Variants in DCN observed in about 807,000 individuals in gnomAD.
DCN encodes bone proteoglycan II.
Under a neutral mutation model 36.5 loss-of-function variants are expected in DCN, and 17 were observed. The ratio of observed to expected loss-of-function variants is 0.47; its 90% CI spans 0.32 to 0.70. DCN has a LOEUF of 0.70. Ranked by LOEUF, DCN falls within the 30% of genes least tolerant of loss-of-function variation. The pLI is 0.04. For missense variants in DCN, 389 were observed against 430.1 expected, an observed-to-expected ratio of 0.90 and a Z score of 0.84; for synonymous variants, 163 against 161.4, an observed-to-expected ratio of 1.01 and a Z score of -0.07.
chr12:91,154,488 C>T (rs1881632742), intron 5 of DCN, among the ~76,000 whole-genome samples: 1 of 152,118 alleles, frequency 6.6e-6, no homozygotes, highest in African/African-American at 2.4e-5. Context: ...GCTATCACAA[C>T]CATCGGCCTT....
In DCN at chr12:91,156,401, T is replaced by G. The variant is rs3138249; in HGVS notation, c.652+674A>C. Among the ~76,000 whole-genome samples, 1,409 of 152,330 alleles carry G rather than the reference T, an allele frequency of 9.2e-3. 25 individuals carry two copies. Among genetic ancestry groups the G allele is most frequent in the African/African-American group, 0.032 (1,350 of 41,570 alleles). ...CTTATCTATATGCTAAATATTTCTCTAATTATTTATTTAACTTTAAAACAA... is the reference window on the plus strand; with the variant it reads ...CTTATCTATATGCTAAATATTTCTCGAATTATTTATTTAACTTTAAAACAA... On this transcript the variant is annotated intron_variant, in intron 5 of 7. Transcript: ENST00000052754.
intron 3 of DCN, among the ~76,000 whole-genome samples, chr12:91,162,246 AT>A (rs1383014997): frequency 6.6e-6 from 1 of 152,054 alleles, no homozygotes; most frequent in Non-Finnish European, 1.5e-5. Context: ...GCCTTTCTGC[AT>A]TTTTTAAAAT....
At position 91,145,492 on chromosome 12, in the gene DCN, A is replaced by T. The variant is rs1449263175; in HGVS notation, c.*566T>A. The T allele has an allele frequency of 6.3e-6, 1 of 158,890 alleles. No individual in the cohort carries two copies. The highest frequency in any genetic ancestry group is 1.4e-5 in the Non-Finnish European group (1 of 71,972). The allele number at this position is 158,890 out of a possible 1,614,324, so 9.8% of individuals were successfully genotyped here. A position where few individuals can be genotyped will look rare whatever the true frequency, so the allele number is the denominator to read the frequency against. ...CTTCTCCCTTCATAAAATTGTGTTT[A>T]GGGAATATTAACAATTAAGCTTGTA... On this transcript the variant is annotated 3_prime_UTR_variant, in exon 8 of 8. Transcript: ENST00000052754.
intron 1 of DCN, among the ~76,000 whole-genome samples, chr12:91,181,261 A>G (rs1366809868): frequency 6.6e-6 from 1 of 151,968 alleles, no homozygotes; most frequent in Non-Finnish European, 1.5e-5. Flanking sequence ...TTGCATGTCC[A>G]GAAACTTTGT....
intron 7 of DCN, among the ~76,000 whole-genome samples, chr12:91,146,636 A>T (rs549679800): frequency 3.3e-5 from 5 of 152,172 alleles, no homozygotes; most frequent in African/African-American, 1.2e-4. Flanking sequence ...TTACAGGCGT[A>T]AGCCACCACG....
At chr12:91,149,552 A>G (rs1177212640) in intron 7 of DCN, among the ~76,000 whole-genome samples, 1 of 152,208 alleles carries the variant, frequency 6.6e-6, no homozygotes, top group Non-Finnish European at 1.5e-5. Context: ...AAAGATGTCT[A>G]ATTTCATCAC....
At chr12:91,153,886 T>C (rs1419321993) in intron 5 of DCN, among the ~76,000 whole-genome samples, 2 of 152,136 alleles carry the variant, frequency 1.3e-5, no homozygotes, top group African/African-American at 2.4e-5. Context: ...AGTACTTGCA[T>C]GGCTGTGATT....
At position 91,141,396 on chromosome 12, in the gene DCN, T is replaced by C. The variant is rs1880750773; in HGVS notation, c.*4662A>G. On this transcript the variant is annotated 3_prime_UTR_variant, in exon 8 of 8. Coordinates refer to ENST00000052754, the MANE Select transcript of DCN (RefSeq NM_001920.5). The stretch of plus-strand genomic sequence containing the variant: ...AGTTCTTCATCTCCCTGCTCAAATG[T>C]CACTCCTGATAAGTCCTTTTTCCGA... 1 of 152,210 alleles carries C rather than the reference T, an allele frequency of 6.6e-6. No individual in the cohort carries two copies. The allele number at this position is 152,210 out of a possible 1,614,324, so 9.4% of individuals were successfully genotyped here. A position where few individuals can be genotyped will look rare whatever the true frequency, so the allele number is the denominator to read the frequency against.
intron 5 of DCN, 112 bp from the exon 6 acceptor site, chr12:91,153,301 C>A: frequency 2.7e-6 from 2 of 730,040 alleles, no homozygotes; most frequent in South Asian, 1.4e-5. Context: ...CACACAGTTT[C>A]AAAGAATCAG....
chr12:91,162,090 G>A (rs1022702882), intron 3 of DCN, among the ~76,000 whole-genome samples: 7 of 151,932 alleles, frequency 4.6e-5, no homozygotes, highest in African/African-American at 7.3e-5. Flanking sequence ...ACAGGAGCGC[G>A]CCACCATGCC....
intron 1 of DCN, chr12:91,180,438 A>T (rs1344208685): frequency 6.6e-6 from 1 of 152,142 alleles, no homozygotes; most frequent in East Asian, 1.9e-4. Context: ...AGATCTTTGT[A>T]TGATCTAACC....
intron 1 of DCN, chr12:91,179,622 A>T (rs1217493783): frequency 6.6e-6 from 1 of 152,152 alleles, no homozygotes; most frequent in African/African-American, 2.4e-5. Context: ...TTTGCACACA[A>T]ATGACTCAAT....
chr12:91,165,852 A>G (rs1233842742), intron 2 of DCN, among the ~76,000 whole-genome samples: 1 of 152,180 alleles, frequency 6.6e-6, no homozygotes, highest in Non-Finnish European at 1.5e-5. Flanking sequence ...CCATGAATTT[A>G]TTAGATCCTG....
At chr12:91,159,499 T>C (rs999447200) in intron 3 of DCN, among the ~76,000 whole-genome samples, 2 of 152,146 alleles carry the variant, frequency 1.3e-5, no homozygotes, top group African/African-American at 4.8e-5. Flanking sequence ...TCATGTTTAT[T>C]AAATTTTAAT....
chr12:91,172,582 G>T, intron 2 of DCN: 1 of 463,296 alleles, frequency 2.2e-6, no homozygotes, highest in Non-Finnish European at 3.8e-6. Context: ...CAAACTCAAG[G>T]AATTTCTAAG....
At chr12:91,160,031 G>T (rs747536609) in intron 3 of DCN, among the ~76,000 whole-genome samples, 1 of 151,998 alleles carries the variant, frequency 6.6e-6, no homozygotes, top group Non-Finnish European at 1.5e-5. Context: ...CACATTACTC[G>T]ATGAATTAAA....
intron 3 of DCN, among the ~76,000 whole-genome samples, chr12:91,161,713 T>G (rs1345254874): frequency 1.3e-5 from 2 of 152,236 alleles, no homozygotes; most frequent in African/African-American, 4.8e-5. Flanking sequence ...CTGTTTCTTA[T>G]TTTCTTCTGC....
At chr12:91,177,890 T>C in intron 2 of DCN, 1 of 478,636 alleles carries the variant, frequency 2.1e-6, no homozygotes, top group East Asian at 4.4e-5. Context: ...TATTTTACAA[T>C]TTAGTAATGT....
chr12:91,162,796 T>C (rs1242965330), intron 3 of DCN, among the ~76,000 whole-genome samples: 1 of 152,200 alleles, frequency 6.6e-6, no homozygotes, highest in Non-Finnish European at 1.5e-5. Flanking sequence ...GAGGATTCTG[T>C]CATCTTGTAG....
Sources: gnomAD v4.1 joint callset for allele counts (sites outside exome capture counted in the v4.1 genomes callset) on GRCh38, gnomAD v4.1.1 for gene constraint, MANE v1.5 for transcripts, NCBI Gene and HGNC (gene_info 2026-07-23, HGNC 2026-07-21) for gene names.